PID1: variants seen among roughly 807,000 people sequenced by gnomAD.
PID1 encodes phosphotyrosine interaction domain containing 1, also known as PTB-containing, cubilin and LRP1-interacting protein.
Under a neutral mutation model 19.1 loss-of-function variants are expected in PID1, and 10 were observed. The ratio of observed to expected loss-of-function variants is 0.52; its 90% CI spans 0.32 to 0.89. The LOEUF (loss-of-function observed/expected upper bound fraction) is 0.89. Ranked by LOEUF, PID1 falls within the 40% of genes least tolerant of loss-of-function variation. PID1 has a pLI of 0.03. For missense variants in PID1, 248 were observed against 285.3 expected (o/e 0.87, Z 0.94); for synonymous variants, 130 against 116.0 (o/e 1.12, Z -0.78).
chr2:229,096,208 T>G (rs555200944), intron 2 of PID1, among the ~76,000 whole-genome samples: 1 of 152,208 alleles, frequency 6.6e-6, no homozygotes, highest in Non-Finnish European at 1.5e-5. Flanking sequence ...GTAAATATCA[T>G]GTACTTATCT....
At chr2:229,074,095 A>G (rs75861216) in intron 2 of PID1, among the ~76,000 whole-genome samples, 5,072 of 152,324 alleles carry the variant, frequency 0.033, 115 homozygotes, top group South Asian at 0.053. Context: ...ACAAACTGTC[A>G]GATTTACATT....
intron 2 of PID1, among the ~76,000 whole-genome samples, chr2:229,144,905 A>G (rs1259440709): frequency 6.6e-6 from 1 of 152,024 alleles, no homozygotes; most frequent in Non-Finnish European, 1.5e-5. Context: ...AACTCAAGGG[A>G]AAAAAATCAC....
At chr2:229,085,583 G>A (rs536842179) in intron 2 of PID1, among the ~76,000 whole-genome samples, 3 of 152,276 alleles carry the variant, frequency 2.0e-5, no homozygotes, top group African/African-American at 4.8e-5. Context: ...AGAAACATCA[G>A]TCAAAATGGT....
chr2:229,106,077 C>CAAAAAAAAA (rs10664324), intron 2 of PID1, among the ~76,000 whole-genome samples: 1 of 122,152 alleles, frequency 8.2e-6, no homozygotes, highest in Non-Finnish European at 1.6e-5. Context: ...GAGATTCCGT[C>CAAAAAAAAA]AAAAAAAAAA....
At chr2:229,044,971 T>C (rs2106178084) in intron 2 of PID1, among the ~76,000 whole-genome samples, 1 of 152,316 alleles carries the variant, frequency 6.6e-6, no homozygotes, top group African/African-American at 2.4e-5. Flanking sequence ...AGTTTTTTTT[T>C]TAGATGGAGT....
intron 1 of PID1, among the ~76,000 whole-genome samples, chr2:229,216,587 C>T (rs1308886167): frequency 1.3e-5 from 2 of 152,060 alleles, no homozygotes; most frequent in South Asian, 2.1e-4. Flanking sequence ...CTTTTAAAAA[C>T]ACATGTGAGT....
intron 1 of PID1, among the ~76,000 whole-genome samples, chr2:229,253,197 T>C (rs1240949791): frequency 1.3e-5 from 2 of 152,198 alleles, no homozygotes; most frequent in African/African-American, 4.8e-5. Context: ...CATGTCTTCT[T>C]TGACTATTTT....
chr2:229,257,549 G>T (rs1436298898), intron 1 of PID1, among the ~76,000 whole-genome samples: 1 of 152,180 alleles, frequency 6.6e-6, no homozygotes, highest in African/African-American at 2.4e-5. Flanking sequence ...GGGATTCTCG[G>T]TTTATGCCTG....
chr2:229,095,157 C>T lies in PID1; in HGVS notation c.177+60661G>A, dbSNP rs560337708. 6.3e-4 allele frequency among the ~76,000 whole-genome samples: 96 copies of T among 152,218 alleles called. 1 individual carries two copies. Among genetic ancestry groups the T allele is most frequent in the South Asian group, 3.7e-3 (18 of 4,824 alleles). On this transcript the variant is annotated intron_variant, in intron 2 of 2. Coordinates refer to ENST00000392055, the MANE Select transcript of PID1 (RefSeq NM_001100818.2). The stretch of plus-strand genomic sequence containing the variant: ...AAACCACACAAACACAGAGAGACCC[C>T]GGTTTCTCCTCTTAGAAACACACAA...
Position 229,176,159 on chromosome 2 carries a change from TAAAAAA to T in PID1, c.31-20201_31-20196del, listed in dbSNP as rs3084653. Among the ~76,000 whole-genome samples, 49 of 149,606 alleles carry T rather than the reference TAAAAAA, an allele frequency of 3.3e-4. No individual in the cohort carries two copies. In the South Asian group the frequency reaches 9.2e-3, roughly 28 times the overall value. Reference sequence around the variant, plus strand: ...CAAAGTTCCTACAACCTTCAAAAATTAAAAAAAAAAAAACAAAACAAAACAAAAAAA... The same window carrying T: ...CAAAGTTCCTACAACCTTCAAAAATTAAAAAAACAAAACAAAACAAAAAAA... On this transcript the variant is annotated intron_variant, in intron 1 of 2. Coordinates refer to ENST00000392055, the MANE Select transcript of PID1 (RefSeq NM_001100818.2).
At chr2:229,030,940 G>A (rs562599641) in intron 2 of PID1, among the ~76,000 whole-genome samples, 6 of 152,056 alleles carry the variant, frequency 3.9e-5, no homozygotes, top group East Asian at 3.9e-4. Context: ...GTTAATGGCC[G>A]GGTGCAGTGG....
At chr2:229,045,962 G>T (rs551412697) in intron 2 of PID1, among the ~76,000 whole-genome samples, 6 of 152,158 alleles carry the variant, frequency 3.9e-5, no homozygotes, top group Non-Finnish European at 8.8e-5. Flanking sequence ...GAAGGCCTCC[G>T]CTGCCTGCCT....
intron 2 of PID1, among the ~76,000 whole-genome samples, chr2:229,075,857 T>C (rs1167220109): frequency 6.6e-6 from 1 of 152,216 alleles, no homozygotes; most frequent in Non-Finnish European, 1.5e-5. Context: ...TGTGTTCCAA[T>C]ACCACTGGTA....
intron 1 of PID1, chr2:229,262,656 T>G (rs1287467532): frequency 1.3e-6 from 2 of 1,549,692 alleles, no homozygotes; most frequent in African/African-American, 2.7e-5. Flanking sequence ...CTGGGTAGCT[T>G]AAAACAACAG....
intron 2 of PID1, among the ~76,000 whole-genome samples, chr2:229,101,571 C>A (rs1450889140): frequency 1.3e-5 from 2 of 152,184 alleles, no homozygotes; most frequent in Non-Finnish European, 1.5e-5. Flanking sequence ...GCGTGTATTA[C>A]CTCATTTAAA....
chr2:229,150,988 C>T (rs1690239630), intron 2 of PID1, among the ~76,000 whole-genome samples: 1 of 151,786 alleles, frequency 6.6e-6, no homozygotes, highest in Non-Finnish European at 1.5e-5. Flanking sequence ...TCCAATTAAA[C>T]AAGGTAAATC....
At chr2:229,269,294 A>T (rs2106298071) in intron 1 of PID1, among the ~76,000 whole-genome samples, 1 of 152,386 alleles carries the variant, frequency 6.6e-6, no homozygotes, top group South Asian at 2.1e-4. Flanking sequence ...CAAAATGCAC[A>T]CGTGCACATT....
chr2:229,092,871 G>T (rs982902980), intron 2 of PID1, among the ~76,000 whole-genome samples: 1 of 151,978 alleles, frequency 6.6e-6, no homozygotes, highest in Non-Finnish European at 1.5e-5. Flanking sequence ...CCAAATTCTG[G>T]GTAAGAGAAG....
chr2:229,053,583 C>A (rs1457543957), intron 2 of PID1, among the ~76,000 whole-genome samples: 6 of 152,208 alleles, frequency 3.9e-5, no homozygotes, highest in Non-Finnish European at 5.9e-5. Context: ...CCCCAGCAAG[C>A]CCGAGGAACA....
Sources: allele counts gnomAD v4.1 joint callset (sites outside exome capture counted in the v4.1 genomes callset), GRCh38; gene constraint gnomAD v4.1.1; transcripts MANE v1.5; gene names NCBI Gene and HGNC (gene_info 2026-07-23, HGNC 2026-07-21).